TARBP1: variants seen among roughly 807,000 people sequenced by gnomAD.
TARBP1 encodes the protein tRNA (guanosine(18)-2'-O)-methyltransferase TARBP1.
Under a neutral mutation model 178.6 loss-of-function variants are expected in TARBP1, and 144 were observed. The observed-to-expected ratio is 0.81, with a 90% confidence interval of 0.70 to 0.93. The LOEUF is 0.93. TARBP1 is among the 40% of genes least tolerant of loss of function. The pLI is 0.00. For synonymous variants in TARBP1, 787 were observed against 781.0 expected (o/e 1.01, Z -0.13); for missense variants, 2,067 against 2,011.7 (o/e 1.03, Z -0.53).
At chr1:234,426,141 T>C (rs1269431701) in intron 19 of TARBP1, among the ~76,000 whole-genome samples, 1 of 152,120 alleles carries the variant, frequency 6.6e-6, no homozygotes, top group Non-Finnish European at 1.5e-5. Flanking sequence ...CACAGATACC[T>C]CCATTCACTC....
chr1:234,434,864 A>T (rs1664841930), intron 13 of TARBP1, among the ~76,000 whole-genome samples: 1 of 152,166 alleles, frequency 6.6e-6, no homozygotes, highest in East Asian at 1.9e-4. Context: ...ATGGCCAGAA[A>T]GATGCAGGGG....
chr1:234,478,459 G>GGCCA lies in TARBP1; in HGVS notation c.641_644dup (p.Ala216GlyfsTer105), dbSNP rs1201364505. ...CGGACCCCAGGGACGCCCCAGGCGCGGCCAGCCCGCCCCACACGGCCCGCA... is the reference window on the plus strand; with the variant it reads ...CGGACCCCAGGGACGCCCCAGGCGCGGCCAGCCAGCCCGCCCCACACGGCCCGCA... On this transcript the variant is annotated frameshift_variant, in exon 1 of 30. Transcript: ENST00000040877. LOFTEE classifies it high-confidence loss of function. 1 of 1,384,066 alleles carries GGCCA rather than the reference G, an allele frequency of 7.2e-7. No homozygotes were observed. The highest frequency in any genetic ancestry group is 1.5e-5 in the African/African-American group (1 of 65,854). The allele number at this position is 1,384,066 out of a possible 1,614,324, so 85.7% of individuals were successfully genotyped here.
chr1:234,479,129 C>T lies in TARBP1; in HGVS notation c.-26G>A. Reference sequence around the variant, plus strand: ...TTGCCGAGCGCCCGCGCCACCGGCCCGGGCTCCCAAAGGAAGGCGCCGGCG... The same window carrying T: ...TTGCCGAGCGCCCGCGCCACCGGCCTGGGCTCCCAAAGGAAGGCGCCGGCG... On this transcript the variant is annotated 5_prime_UTR_variant, in exon 1 of 30. Transcript: ENST00000040877. 2.0e-6 allele frequency: 3 copies of T among 1,509,690 alleles called. No homozygotes were observed. Among genetic ancestry groups the T allele is most frequent in the South Asian group, 1.2e-5 (1 of 81,020 alleles). 93.5% of individuals were successfully genotyped at this position (1,509,690 alleles called of 1,614,324 possible).
intron 10 of TARBP1, among the ~76,000 whole-genome samples, chr1:234,449,415 G>A (rs1324202832): frequency 6.6e-6 from 1 of 152,204 alleles, no homozygotes; most frequent in East Asian, 1.9e-4. Flanking sequence ...GGCAATTCTA[G>A]TATTTCAGCT....
chr1:234,418,333 T>A, intron 21 of TARBP1, 100 bp from the exon 22 acceptor site: 1 of 1,052,830 alleles, frequency 9.5e-7, no homozygotes, highest in Non-Finnish European at 1.3e-6. Context: ...TTATCATAAG[T>A]AATTTATTGG....
In TARBP1 at chr1:234,419,850, G is replaced by A. The variant is rs1011270078; in HGVS notation, c.3555+852C>T. Among the ~76,000 whole-genome samples the A allele has an allele frequency of 4.6e-5, 7 of 150,682 alleles. 1 individual carries two copies. Among genetic ancestry groups the A allele is most frequent in the African/African-American group, 1.7e-4 (7 of 40,840 alleles). On this transcript the variant is annotated intron_variant, in intron 21 of 29. Transcript: ENST00000040877. ...ATTTCCTCTTAAATTATTCCAAATT[G>A]TTTTATTTGAATATACTTATATACT...
chr1:234,448,717 A>G, intron 10 of TARBP1, 138 bp from the exon 11 acceptor site: 1 of 675,350 alleles, frequency 1.5e-6, no homozygotes, highest in Non-Finnish European at 2.5e-6. Flanking sequence ...ACTACAGCAG[A>G]ACACCCTAGA....
At chr1:234,477,132 C>T (rs1017394394) in intron 1 of TARBP1, among the ~76,000 whole-genome samples, 1 of 152,200 alleles carries the variant, frequency 6.6e-6, no homozygotes, top group South Asian at 2.1e-4. Context: ...TTGCGGTGAG[C>T]GGAGATTGTG....
intron 14 of TARBP1, 93 bp from the exon 15 acceptor site, chr1:234,430,394 C>T: frequency 9.0e-7 from 1 of 1,110,640 alleles, no homozygotes; most frequent in Non-Finnish European, 1.3e-6. Flanking sequence ...CTCAAGCTCT[C>T]CTTTTCCCTC....
chr1:234,426,154 G>A (rs1663735601), intron 19 of TARBP1, among the ~76,000 whole-genome samples: 2 of 152,142 alleles, frequency 1.3e-5, no homozygotes, highest in South Asian at 2.1e-4. Flanking sequence ...ATTCACTCAG[G>A]GGCATGATAC....
At chr1:234,404,114 A>C (rs1007011877) in intron 24 of TARBP1, among the ~76,000 whole-genome samples, 5 of 152,252 alleles carry the variant, frequency 3.3e-5, no homozygotes, top group African/African-American at 1.2e-4. Context: ...TAGAAATCAA[A>C]ACACAGCTAC....
chr1:234,448,209 G>A (rs1666381146), intron 11 of TARBP1, among the ~76,000 whole-genome samples: 1 of 152,190 alleles, frequency 6.6e-6, no homozygotes, highest in Non-Finnish European at 1.5e-5. Flanking sequence ...AAAGTGCTGG[G>A]ATTACAGGCA....
chr1:234,437,211 C>A, intron 13 of TARBP1, 64 bp downstream of exon 13: 1 of 836,134 alleles, frequency 1.2e-6, no homozygotes, highest in Non-Finnish European at 1.8e-6. Flanking sequence ...TGTCAGTAAT[C>A]ACTCAAATAT....
In TARBP1 at chr1:234,395,891, A is replaced by G. The variant is rs116316385; in HGVS notation, c.4244-2054T>C. Among the ~76,000 whole-genome samples the G allele has an allele frequency of 7.0e-3, 1,068 of 152,288 alleles. 12 individuals are homozygous for G. Among genetic ancestry groups the G allele is most frequent in the African/African-American group, 0.023 (951 of 41,548 alleles). On this transcript the variant is annotated intron_variant, in intron 26 of 29. Coordinates refer to ENST00000040877, the MANE Select transcript of TARBP1 (RefSeq NM_005646.4). Reference sequence around the variant, plus strand: ...GACTATAGGTAACAATAATGTATGTATACTTCCAAATAGCTAGAAGAGAGG... The same window carrying G: ...GACTATAGGTAACAATAATGTATGTGTACTTCCAAATAGCTAGAAGAGAGG...
intron 22 of TARBP1, among the ~76,000 whole-genome samples, chr1:234,412,372 A>G (rs906727103): frequency 1.3e-5 from 2 of 150,314 alleles, no homozygotes; most frequent in Non-Finnish European, 3.0e-5. Flanking sequence ...CAGTGAGCCG[A>G]GATCACACCA....
chr1:234,447,981 C>A (rs1666355809), intron 11 of TARBP1, among the ~76,000 whole-genome samples: 2 of 152,156 alleles, frequency 1.3e-5, no homozygotes, highest in Admixed American at 1.3e-4. Context: ...ACTTTGTGGT[C>A]CAGGCTGGAG....
intron 4 of TARBP1, among the ~76,000 whole-genome samples, chr1:234,466,564 A>AG (rs2103284258): frequency 1.3e-5 from 1 of 75,888 alleles, no homozygotes; most frequent in South Asian, 4.6e-4. Flanking sequence ...TCATTCTTTT[A>AG]AAAAAGAAGA....
chr1:234,452,342 A>AT (rs1381565137), intron 9 of TARBP1, among the ~76,000 whole-genome samples: 1 of 152,234 alleles, frequency 6.6e-6, no homozygotes, highest in East Asian at 1.9e-4. Flanking sequence ...AAGGACTGGT[A>AT]TCCAAAGTAT....
At chr1:234,468,657 C>T (rs1668703911) in intron 3 of TARBP1, among the ~76,000 whole-genome samples, 1 of 152,092 alleles carries the variant, frequency 6.6e-6, no homozygotes, top group Non-Finnish European at 1.5e-5. Context: ...AATCCTTCAA[C>T]ATCTCCTCAT....
Sources: gnomAD v4.1 joint callset for allele counts (sites outside exome capture counted in the v4.1 genomes callset) on GRCh38, gnomAD v4.1.1 for gene constraint, MANE v1.5 for transcripts, NCBI Gene and HGNC (gene_info 2026-07-23, HGNC 2026-07-21) for gene names.